NOP9: variants seen among roughly 807,000 people sequenced by gnomAD.
NOP9 encodes nucleolar protein 9.
NOP9 carries 50 observed loss-of-function variants against 63.0 expected under a neutral mutation model. The ratio of observed to expected loss-of-function variants is 0.79; its 90% CI spans 0.63 to 1.00. The LOEUF (loss-of-function observed/expected upper bound fraction) is 1.00. NOP9 is among the 50% of genes least tolerant of loss of function. The pLI is 0.00. For missense variants in NOP9, 758 were observed against 803.0 expected (o/e 0.94, Z 0.68); for synonymous variants, 343 against 332.8 (o/e 1.03, Z -0.33).
Position 24,307,345 on chromosome 14 carries a change from G to A in NOP9, c.*2250G>A, listed in dbSNP as rs2041542730. The A allele has an allele frequency of 6.2e-7, 1 of 1,602,362 alleles. No homozygotes were observed. The highest frequency in any genetic ancestry group is 2.2e-5 in the East Asian group (1 of 44,740). On this transcript the variant is annotated 3_prime_UTR_variant, in exon 10 of 10. Coordinates refer to ENST00000267425, the MANE Select transcript of NOP9 (RefSeq NM_174913.3). ...GAGCCCCTTGGCTACCCCTGCTATAGGAACCGAGGAACTTGGCCTACTTAC... is the reference window on the plus strand; with the variant it reads ...GAGCCCCTTGGCTACCCCTGCTATAAGAACCGAGGAACTTGGCCTACTTAC...
the NOP9 span, among the ~76,000 whole-genome samples, chr14:24,282,207 C>T: frequency 6.6e-6 from 1 of 152,122 alleles, no homozygotes; most frequent in Non-Finnish European, 1.5e-5. Flanking sequence ...CCAAACAAAA[C>T]CAGACACAAG....
At chr14:24,277,040 G>A in the NOP9 span, among the ~76,000 whole-genome samples, 1 of 152,208 alleles carries the variant, frequency 6.6e-6, no homozygotes, top group Non-Finnish European at 1.5e-5. Context: ...CCCTGTGGCT[G>A]TGGGGGGGCA....
At chr14:24,291,415 G>T in the NOP9 span, 1 of 1,098,226 alleles carries the variant, frequency 9.1e-7, no homozygotes, top group Non-Finnish European at 1.4e-6. Flanking sequence ...AACTGGGAAT[G>T]CTGACCCCTT....
Position 24,306,912 on chromosome 14 carries a change from G to T in NOP9, c.*1817G>T. The T allele has an allele frequency of 3.5e-6, 1 of 289,322 alleles. No individual in the cohort carries two copies. Among genetic ancestry groups the T allele is most frequent in the Non-Finnish European group, 6.7e-6 (1 of 150,304 alleles). The allele number at this position is 289,322 out of a possible 1,614,324, so 17.9% of individuals were successfully genotyped here. ...TTCAGTAATAGTGTTTAACCTTTTT[G>T]AGTCCTTACTCTGTGCCAGGTATGA... On this transcript the variant is annotated 3_prime_UTR_variant, in exon 10 of 10. Transcript: ENST00000267425.
chr14:24,305,199 A>T lies in NOP9; in HGVS notation c.*104A>T. Reference sequence around the variant, plus strand: ...GGAGTCAGAAGTCTTAGTGGTAAATATTTGATATTTTTATTGGAAATGTTT... The same window carrying T: ...GGAGTCAGAAGTCTTAGTGGTAAATTTTTGATATTTTTATTGGAAATGTTT... On this transcript the variant is annotated 3_prime_UTR_variant, in exon 10 of 10. Transcript: ENST00000267425. 2.6e-6 allele frequency: 3 copies of T among 1,154,536 alleles called. No homozygotes were observed. Among genetic ancestry groups the T allele is most frequent in the Non-Finnish European group, 3.5e-6 (3 of 867,472 alleles). The allele number at this position is 1,154,536 out of a possible 1,614,324, so 71.5% of individuals were successfully genotyped here.
chr14:24,273,806 A>G, the NOP9 span, among the ~76,000 whole-genome samples: 6 of 152,346 alleles, frequency 3.9e-5, no homozygotes, highest in East Asian at 7.7e-4. Context: ...TAGCTTTGCC[A>G]CTTGCTTGTC....
the NOP9 span, among the ~76,000 whole-genome samples, chr14:24,282,703 A>G: frequency 6.6e-6 from 1 of 152,138 alleles, no homozygotes; most frequent in Non-Finnish European, 1.5e-5. Flanking sequence ...AGCCGGGCCC[A>G]CTTCCTCCCT....
the NOP9 span, among the ~76,000 whole-genome samples, chr14:24,282,826 TC>T: frequency 6.6e-6 from 1 of 152,174 alleles, no homozygotes; most frequent in Admixed American, 6.5e-5. Context: ...CCAGTTCCTC[TC>T]CACTGCTGGC....
chr14:24,305,938 AT>A lies in NOP9; in HGVS notation c.*846del, dbSNP rs1296002707. On this transcript the variant is annotated 3_prime_UTR_variant, in exon 10 of 10. Transcript: ENST00000267425. ...GGGGATGGGGCAGTATGACATGTTG[AT>A]TTCTGACCTGAGTACTTTCTTTGGG... is the stretch of plus-strand genomic sequence containing the variant. The A allele has an allele frequency of 6.2e-7, 1 of 1,611,212 alleles. No homozygotes were observed. The highest frequency in any genetic ancestry group is 1.1e-5 in the South Asian group (1 of 90,704).
the NOP9 span, among the ~76,000 whole-genome samples, chr14:24,284,007 G>T: frequency 1.3e-5 from 2 of 152,246 alleles, no homozygotes. Flanking sequence ...CCATGGGCAT[G>T]TGTGTTGGGG....
At chr14:24,301,891 T>C in intron 3 of NOP9, 74 bp from the exon 4 acceptor site, 1 of 1,526,856 alleles carries the variant, frequency 6.5e-7, no homozygotes, top group Non-Finnish European at 9.0e-7. Flanking sequence ...CTGTATCTTG[T>C]TGCCTAAAGT....
intron 6 of NOP9, 90 bp downstream of exon 6, chr14:24,303,304 G>C: frequency 6.6e-7 from 1 of 1,525,492 alleles, no homozygotes; most frequent in Non-Finnish European, 9.1e-7. Context: ...TGTACCTCTG[G>C]ACTCAGGAAG....
chr14:24,297,627 A>C (rs1006895568), upstream of NOP9, among the ~76,000 whole-genome samples: 2 of 152,142 alleles, frequency 1.3e-5, no homozygotes, highest in African/African-American at 4.8e-5. Context: ...ACCCTGTTCA[A>C]AATCTCCTAA....
chr14:24,292,586 C>T, the NOP9 span: 5 of 1,613,072 alleles, frequency 3.1e-6, no homozygotes, highest in Non-Finnish European at 4.2e-6. Flanking sequence ...GGGGATTGTA[C>T]CTCCTGAGCT....
At chr14:24,290,609 ATGAGACTTTT>A in the NOP9 span, 1 of 456,984 alleles carries the variant, frequency 2.2e-6, no homozygotes, top group Non-Finnish European at 3.9e-6. Context: ...TGAAAGAGAA[ATGAGACTTTT>A]ATTAGCTCCA....
chr14:24,298,995 C>T, upstream of NOP9: 1 of 1,613,286 alleles, frequency 6.2e-7, no homozygotes, highest in Non-Finnish European at 8.5e-7. Flanking sequence ...AGATGGCGGC[C>T]AGTGATGTAA....
chr14:24,299,899 G>C lies in NOP9; in HGVS notation c.-56G>C. 1 of 1,499,624 alleles carries C rather than the reference G, an allele frequency of 6.7e-7. No individual in the cohort carries two copies. Among genetic ancestry groups the C allele is most frequent in the Non-Finnish European group, 8.9e-7 (1 of 1,127,124 alleles). 92.9% of individuals were successfully genotyped at this position (1,499,624 alleles called of 1,614,324 possible). A position where few individuals can be genotyped will look rare whatever the true frequency, so the allele number is the denominator to read the frequency against. The stretch of plus-strand genomic sequence containing the variant: ...GATAAGGCGCACGCTTGGCGACGTC[G>C]AAGGTCCGTCCGCAGTTAAGGAAGC... On this transcript the variant is annotated 5_prime_UTR_variant, in exon 1 of 10. Coordinates refer to ENST00000267425, the MANE Select transcript of NOP9 (RefSeq NM_174913.3).
the NOP9 span, among the ~76,000 whole-genome samples, chr14:24,290,403 A>G: frequency 6.6e-6 from 1 of 152,222 alleles, no homozygotes; most frequent in African/African-American, 2.4e-5. Context: ...GCCCACTTCT[A>G]GCTGTGGAGC....
the NOP9 span, chr14:24,291,307 G>C: frequency 1.5e-6 from 2 of 1,358,124 alleles, no homozygotes; most frequent in Non-Finnish European, 2.1e-6. Context: ...GCACTGCTGA[G>C]AGCCCTGGAG....
Sources: gnomAD v4.1 joint callset for allele counts (sites outside exome capture counted in the v4.1 genomes callset) on GRCh38, gnomAD v4.1.1 for gene constraint, MANE v1.5 for transcripts, NCBI Gene and HGNC (gene_info 2026-07-23, HGNC 2026-07-21) for gene names.